Variants in SDK1 observed in about 807,000 individuals in gnomAD.
SDK1 encodes sidekick cell adhesion molecule 1, also known as protein sidekick-1.
A neutral mutation model predicts 245.5 loss-of-function variants in SDK1; 157 were observed. The ratio of observed to expected loss-of-function variants is 0.64; its 90% confidence interval spans 0.56 to 0.73. The LOEUF is 0.73. Ranked by LOEUF, SDK1 falls within the 30% of genes least tolerant of loss-of-function variation. The pLI, the probability that SDK1 is intolerant of heterozygous loss-of-function variation, is 0.00. For missense variants in SDK1, 3,583 were observed against 3,002.3 expected, an observed-to-expected ratio of 1.19 and a Z score of -4.52; for synonymous variants, 1,647 against 1,278.5, an observed-to-expected ratio of 1.29 and a Z score of -6.15.
At chr7:3,656,351 T>A (rs1462353044) in intron 4 of SDK1, among the ~76,000 whole-genome samples, 1 of 152,130 alleles carries the variant, frequency 6.6e-6, no homozygotes, top group Non-Finnish European at 1.5e-5. Context: ...TTTTACTAGC[T>A]TTTTTCTGGA....
At chr7:3,485,142 C>T (rs1268693992) in intron 1 of SDK1, among the ~76,000 whole-genome samples, 2 of 152,134 alleles carry the variant, frequency 1.3e-5, no homozygotes, top group East Asian at 1.9e-4. Flanking sequence ...CATTCTTTTT[C>T]TCTGCATCCT....
intron 17 of SDK1, among the ~76,000 whole-genome samples, chr7:4,042,990 T>C (rs1238036106): frequency 1.3e-5 from 2 of 152,206 alleles, no homozygotes; most frequent in African/African-American, 4.8e-5. Context: ...ACCTAGGGTA[T>C]TGAGAGAAAG....
At chr7:4,040,531 A>T (rs1788551524) in intron 17 of SDK1, among the ~76,000 whole-genome samples, 1 of 152,186 alleles carries the variant, frequency 6.6e-6, no homozygotes, top group African/African-American at 2.4e-5. Context: ...TAGGCGAAAG[A>T]GAGAAGAGCT....
At chr7:3,412,068 G>C (rs1309993622) in intron 1 of SDK1, among the ~76,000 whole-genome samples, 1 of 152,140 alleles carries the variant, frequency 6.6e-6, no homozygotes, top group South Asian at 2.1e-4. Context: ...TGGAGAGAAA[G>C]AAGGCGTGTT....
At position 3,532,983 on chromosome 7, in the gene SDK1, C is replaced by G. The variant is rs1056358798; in HGVS notation, c.299-86097C>G. ...ATGGTAGTGGAGAGGAGAGACTGTA[C>G]AAACATGAACAGCTGAAGGGCAGAG... On this transcript the variant is annotated intron_variant, in intron 1 of 44. Transcript: ENST00000404826. 1.1e-4 allele frequency among the ~76,000 whole-genome samples: 17 copies of G among 152,144 alleles called. 1 individual carries two copies. Among genetic ancestry groups the G allele is most frequent in the Non-Finnish European group, 1.9e-4 (13 of 68,030 alleles).
chr7:3,439,380 C>T (rs973860602), intron 1 of SDK1, among the ~76,000 whole-genome samples: 6 of 152,274 alleles, frequency 3.9e-5, no homozygotes, highest in African/African-American at 1.4e-4. Context: ...TGCAGCTGTT[C>T]CTCTAGAGAC....
Position 4,266,595 on chromosome 7 carries a change from A to T in SDK1, c.*1211A>T. On this transcript the variant is annotated 3_prime_UTR_variant, in exon 45 of 45. Coordinates refer to ENST00000404826, the MANE Select transcript of SDK1 (RefSeq NM_152744.4). ...TTTCTTTTTTTTATTTAAAATTGTC[A>T]TTGTTTGGTTTAAATTTTTCAGCTA... 1.0e-6 allele frequency: 1 copy of T among 985,186 alleles called. No individual in the cohort carries two copies. Among genetic ancestry groups the T allele is most frequent in the Non-Finnish European group, 1.2e-6 (1 of 829,832 alleles). The allele number at this position is 985,186 out of a possible 1,614,324, so 61.0% of individuals were successfully genotyped here.
At chr7:3,976,042 G>A (rs1333569330) in intron 13 of SDK1, among the ~76,000 whole-genome samples, 1 of 1,096 alleles carries the variant, frequency 9.1e-4, no homozygotes. Context: ...TGGGGGTCCC[G>A]GGGCTGAGGC....
chr7:3,521,767 G>A, intron 1 of SDK1, among the ~76,000 whole-genome samples: 1 of 152,136 alleles, frequency 6.6e-6, no homozygotes, highest in East Asian at 1.9e-4. Flanking sequence ...TAGCAGAGAG[G>A]CGATATTAAT....
intron 1 of SDK1, among the ~76,000 whole-genome samples, chr7:3,324,307 A>G (rs556482535): frequency 4.6e-5 from 7 of 152,150 alleles, no homozygotes; most frequent in Non-Finnish European, 7.3e-5. Context: ...AATTTTCACA[A>G]AGAGACATGC....
rs549898294 is a variant in SDK1, at chr7:3,526,016, C to T, written c.299-93064C>T. ...TGGGAGGCTGAGGCAGGTGGAATCA[C>T]CTGAGGTCGGGAGTTTGAGACCAGC... On this transcript the variant is annotated intron_variant, in intron 1 of 44. Transcript: ENST00000404826. 2.0e-5 allele frequency among the ~76,000 whole-genome samples: 3 copies of T among 152,188 alleles called. No individual in the cohort carries two copies. The South Asian group carries it at 6.2e-4, about 32-fold the overall frequency.
chr7:3,818,743 G>C (rs929495916), intron 4 of SDK1, among the ~76,000 whole-genome samples: 3 of 152,196 alleles, frequency 2.0e-5, no homozygotes, highest in African/African-American at 4.8e-5. Context: ...GGCTCTATGA[G>C]ATAATGAAGG....
At chr7:4,044,046 G>A (rs1351233026) in intron 17 of SDK1, among the ~76,000 whole-genome samples, 1 of 151,992 alleles carries the variant, frequency 6.6e-6, no homozygotes, top group Non-Finnish European at 1.5e-5. Context: ...CTGCCTAACT[G>A]ACTACCCCAA....
At chr7:3,319,450 C>T (rs1779740241) in intron 1 of SDK1, among the ~76,000 whole-genome samples, 2 of 152,118 alleles carry the variant, frequency 1.3e-5, no homozygotes, top group Non-Finnish European at 2.9e-5. Context: ...CCATCTACAC[C>T]CATGGCTGGT....
At chr7:3,758,451 A>G (rs1314004176) in intron 4 of SDK1, among the ~76,000 whole-genome samples, 3 of 152,194 alleles carry the variant, frequency 2.0e-5, no homozygotes, top group African/African-American at 4.8e-5. Flanking sequence ...ATAATCTTCT[A>G]TTTAGGTTGG....
At chr7:3,343,868 A>G (rs556821819) in intron 1 of SDK1, among the ~76,000 whole-genome samples, 1 of 152,302 alleles carries the variant, frequency 6.6e-6, no homozygotes, top group East Asian at 1.9e-4. Context: ...AACAAAAAAC[A>G]GAATGGCAGT....
intron 27 of SDK1, 69 bp from the exon 28 acceptor site, chr7:4,132,256 C>G: frequency 1.6e-6 from 2 of 1,260,426 alleles, no homozygotes; most frequent in Non-Finnish European, 2.3e-6. Context: ...CCTCGGAATC[C>G]TGTGTAACCT....
chr7:3,436,958 A>C (rs111488670), intron 1 of SDK1, among the ~76,000 whole-genome samples: 170 of 152,296 alleles, frequency 1.1e-3, no homozygotes, highest in African/African-American at 3.9e-3. Flanking sequence ...AGAACATAGA[A>C]TGTCTAACGG....
At chr7:3,518,705 A>C (rs1782829976) in intron 1 of SDK1, among the ~76,000 whole-genome samples, 1 of 152,138 alleles carries the variant, frequency 6.6e-6, no homozygotes, top group Non-Finnish European at 1.5e-5. Context: ...TACGGAGAAA[A>C]GGGAACTCTT....
Sources: allele counts gnomAD v4.1 joint callset (sites outside exome capture counted in the v4.1 genomes callset), GRCh38; gene constraint gnomAD v4.1.1; transcripts MANE v1.5; gene names NCBI Gene and HGNC (gene_info 2026-07-23, HGNC 2026-07-21).